The following MAPK10 variants were observed in gnomAD, a reference collection of about 807,000 sequenced individuals.
The protein encoded by MAPK10 is JNK3 alpha protein kinase.
MAPK10 carries 25 observed loss-of-function variants against 59.3 expected under a neutral mutation model. The ratio of observed to expected loss-of-function variants is 0.42; its 90% confidence interval spans 0.31 to 0.59. The LOEUF (loss-of-function observed/expected upper bound fraction) is 0.59. Among genes scored for constraint, MAPK10 ranks in the 20% least tolerant of loss-of-function variants. The probability of loss-of-function intolerance (pLI) is 0.15; values close to 1 mark genes in which losing one functional copy is unlikely to be tolerated. For synonymous variants in MAPK10, 190 were observed against 200.5 expected (o/e 0.95, Z 0.44); for missense variants, 351 against 568.9 (o/e 0.62, Z 3.90).
chr4:86,227,252 C>T (rs919963590), intron 2 of MAPK10, among the ~76,000 whole-genome samples: 2 of 151,974 alleles, frequency 1.3e-5, no homozygotes, highest in African/African-American at 2.4e-5. Flanking sequence ...CTTTGGGAGG[C>T]CGAGGCAGGC....
chr4:86,379,856 T>G lies in MAPK10; in HGVS notation c.-121-25212A>C, dbSNP rs140801207. ...TTTCCCACTCCACACCTCTATATTT[T>G]TGTGTGTGTGTCTTTAATTCCTCTA... On this transcript the variant is annotated intron_variant, in intron 1 of 13. Coordinates refer to the MAPK10 transcript ENST00000361569. 1.0e-2 allele frequency among the ~76,000 whole-genome samples: 1,515 copies of G among 152,240 alleles called. 11 individuals are homozygous for G. The highest frequency in any genetic ancestry group is 0.026 in the African/African-American group (1,085 of 41,526).
At chr4:86,295,239 C>G (rs183329202) in intron 2 of MAPK10, among the ~76,000 whole-genome samples, 59 of 152,238 alleles carry the variant, frequency 3.9e-4, no homozygotes, top group African/African-American at 1.3e-3. Flanking sequence ...GCCCCACGCC[C>G]TCTGCCTGGA....
At chr4:86,145,900 T>C (rs1373561427) in intron 4 of MAPK10, among the ~76,000 whole-genome samples, 1 of 152,054 alleles carries the variant, frequency 6.6e-6, no homozygotes, top group Non-Finnish European at 1.5e-5. Flanking sequence ...ACCTTTGAGG[T>C]TGCAAGCTAT....
intron 1 of MAPK10, among the ~76,000 whole-genome samples, chr4:86,409,744 T>C (rs879489302): frequency 1.4e-4 from 22 of 152,224 alleles, no homozygotes; most frequent in Non-Finnish European, 2.6e-4. Flanking sequence ...TTTTTGCACA[T>C]TGATTTTGTA....
At chr4:86,398,750 G>GCGTCC (rs1482924200) in intron 1 of MAPK10, among the ~76,000 whole-genome samples, 1 of 152,092 alleles carries the variant, frequency 6.6e-6, no homozygotes, top group Non-Finnish European at 1.5e-5. Flanking sequence ...TACAACCCTT[G>GCGTCC]CGTCCCTCTC....
chr4:86,397,638 T>C (rs1020921457), intron 1 of MAPK10, among the ~76,000 whole-genome samples: 2 of 152,108 alleles, frequency 1.3e-5, no homozygotes, highest in African/African-American at 2.4e-5. Flanking sequence ...TCCCCACTGA[T>C]TGACTCCACC....
chr4:86,412,684 G>C (rs1564823877), intron 1 of MAPK10, among the ~76,000 whole-genome samples: 1 of 151,896 alleles, frequency 6.6e-6, no homozygotes, highest in African/African-American at 2.4e-5. Context: ...TCTTCCACTT[G>C]ATCAAATTGG....
At chr4:86,576,575 C>G (rs1208873104) in intron 1 of MAPK10, among the ~76,000 whole-genome samples, 1 of 151,566 alleles carries the variant, frequency 6.6e-6, no homozygotes, top group East Asian at 1.9e-4. Flanking sequence ...GAGATCAAGA[C>G]CAGCCTGACT....
intron 3 of MAPK10, among the ~76,000 whole-genome samples, chr4:86,165,440 C>T (rs1352280205): frequency 6.7e-6 from 1 of 150,136 alleles, no homozygotes; most frequent in Non-Finnish European, 1.5e-5. Flanking sequence ...TGCAGTGGCA[C>T]AATCATGGTT....
intron 1 of MAPK10, among the ~76,000 whole-genome samples, chr4:86,560,149 T>C (rs950291235): frequency 1.3e-5 from 2 of 152,192 alleles, no homozygotes; most frequent in African/African-American, 4.8e-5. Context: ...GAACTTAAAG[T>C]TGTTAAATTT....
intron 1 of MAPK10, among the ~76,000 whole-genome samples, chr4:86,448,095 A>G (rs1403801914): frequency 2.0e-5 from 3 of 152,226 alleles, no homozygotes; most frequent in African/African-American, 7.2e-5. Context: ...TAAAGAGCCT[A>G]GTAAATACTT....
At chr4:86,074,930 A>C (rs2048926749) in intron 9 of MAPK10, among the ~76,000 whole-genome samples, 1 of 137,704 alleles carries the variant, frequency 7.3e-6, no homozygotes, top group African/African-American at 2.9e-5. Flanking sequence ...CCTGAATCTG[A>C]ACGTTGGCCT....
chr4:86,480,086 T>C (rs181097434), intron 1 of MAPK10, among the ~76,000 whole-genome samples: 1,949 of 152,324 alleles, frequency 0.013, 20 homozygotes, highest in South Asian at 0.037. Context: ...GAGCCCAAGC[T>C]AAGCCATCAT....
At chr4:86,346,639 A>G (rs1728384719) in intron 2 of MAPK10, among the ~76,000 whole-genome samples, 1 of 151,936 alleles carries the variant, frequency 6.6e-6, no homozygotes, top group Non-Finnish European at 1.5e-5. Flanking sequence ...ACACATACTC[A>G]AGTCCAACAA....
rs553024157 is a variant in MAPK10 at position 86,591,365 on chromosome 4, TTTATTA to T, written c.-263+2539_-263+2544del. On this transcript the variant is annotated intron_variant, in intron 1 of 4. Coordinates refer to the MAPK10 transcript ENST00000502302. ...AAAGCTCTTGATTTTCATATGTTTT[TTTATTA>T]TTATTATTATTGTTATTTTTGAGAC... 3.3e-5 allele frequency among the ~76,000 whole-genome samples: 5 copies of T among 152,010 alleles called. No homozygotes were observed. In the South Asian group the frequency reaches 6.2e-4, roughly 19 times the overall value.
intron 10 of MAPK10, among the ~76,000 whole-genome samples, chr4:86,066,662 G>A (rs1370412031): frequency 2.0e-5 from 3 of 151,496 alleles, no homozygotes; most frequent in Non-Finnish European, 4.4e-5. Context: ...CTACTCGGGA[G>A]GTTGAGGCAG....
intron 4 of MAPK10, among the ~76,000 whole-genome samples, chr4:86,154,527 T>G (rs57048696): frequency 6.6e-6 from 1 of 152,126 alleles, no homozygotes; most frequent in Non-Finnish European, 1.5e-5. Context: ...CTAGGTTACA[T>G]GTGCTGACCT....
chr4:86,473,706 T>G (rs1411179578), intron 1 of MAPK10, among the ~76,000 whole-genome samples: 1 of 152,212 alleles, frequency 6.6e-6, no homozygotes, highest in Non-Finnish European at 1.5e-5. Flanking sequence ...CTCTCCTTGG[T>G]TCTAATGTCC....
upstream of MAPK10, among the ~76,000 whole-genome samples, chr4:86,360,615 A>G (rs1329078059): frequency 6.6e-6 from 1 of 152,172 alleles, no homozygotes; most frequent in East Asian, 1.9e-4. Context: ...TTAGGTTGCA[A>G]TCTGAGTGTA....
Sources: gnomAD v4.1 joint callset for allele counts (sites outside exome capture counted in the v4.1 genomes callset) on GRCh38, gnomAD v4.1.1 for gene constraint, MANE v1.5 for transcripts, NCBI Gene and HGNC (gene_info 2026-07-23, HGNC 2026-07-21) for gene names.